The following EPB41L3 variants were observed in gnomAD, a reference collection of about 807,000 sequenced individuals.
EPB41L3 encodes erythrocyte membrane protein band 4.1 like 3, also known as band 4.1-like protein 3.
EPB41L3 carries 57 observed loss-of-function variants against 127.1 expected under a neutral mutation model. The ratio of observed to expected loss-of-function variants is 0.45; its 90% CI spans 0.36 to 0.56. The LOEUF (loss-of-function observed/expected upper bound fraction) is 0.56, where lower values mean the gene tolerates loss of function less well. EPB41L3 is among the 20% of genes least tolerant of loss of function. The pLI is 0.00. For missense variants in EPB41L3, 1,273 were observed against 1,372.2 expected (o/e 0.93, Z 1.14); for synonymous variants, 572 against 549.5 (o/e 1.04, Z -0.57).
intron 3 of EPB41L3, among the ~76,000 whole-genome samples, chr18:5,576,804 G>A (rs1434775769): frequency 1.3e-5 from 2 of 152,190 alleles, no homozygotes; most frequent in Non-Finnish European, 1.5e-5. Context: ...ATACTTCTGT[G>A]TAATTCTTGG....
intron 6 of EPB41L3, 64 bp from the exon 7 acceptor site, chr18:5,434,185 T>C (rs2079401562): frequency 1.4e-6 from 2 of 1,383,098 alleles, no homozygotes; most frequent in East Asian, 2.3e-5. Flanking sequence ...AGGAGGTCGC[T>C]TGGTAAAAAT....
At chr18:5,579,621 CA>C (rs1443256809) in intron 3 of EPB41L3, among the ~76,000 whole-genome samples, 1 of 152,144 alleles carries the variant, frequency 6.6e-6, no homozygotes, top group African/African-American at 2.4e-5. Context: ...ACTAGAGATC[CA>C]AAGCCATACA....
At chr18:5,522,375 C>T (rs560249335) in intron 1 of EPB41L3, among the ~76,000 whole-genome samples, 49 of 152,228 alleles carry the variant, frequency 3.2e-4, no homozygotes, top group African/African-American at 1.1e-3. Context: ...CTGCCTGTCT[C>T]GGCCTCCCAA....
intron 3 of EPB41L3, among the ~76,000 whole-genome samples, chr18:5,553,943 C>T (rs898572776): frequency 1.1e-4 from 16 of 152,218 alleles, no homozygotes; most frequent in Admixed American, 7.2e-4. Context: ...CCACACTCCC[C>T]GTCCCACTCC....
At chr18:5,477,275 G>A (rs1365073398) in intron 3 of EPB41L3, among the ~76,000 whole-genome samples, 3 of 152,176 alleles carry the variant, frequency 2.0e-5, no homozygotes, top group Admixed American at 6.5e-5. Context: ...AGAGAAATAT[G>A]TGAGGACACA....
chr18:5,610,211 T>A (rs189746712), intron 3 of EPB41L3: 4 of 985,272 alleles, frequency 4.1e-6, no homozygotes, highest in Non-Finnish European at 1.2e-6. Flanking sequence ...CCATATTCCA[T>A]GTTCCAAGTG....
At position 5,489,074 on chromosome 18, in the gene EPB41L3, G is replaced by A. The variant is rs1352173198; in HGVS notation, c.110C>T (p.Pro37Leu). The change falls in exon 2 of 23, where the codon CCC becomes CTC. Residue 37 changes from proline (P) to leucine (L), a missense_variant. By Grantham distance (98) the Pro-to-Leu change is moderately conservative. Transcript: ENST00000341928. ...GRAGAPVPEP[P>L]KEEQQQALEQ... Reference sequence around the variant, plus strand: ...CAGGGCCTGCTGCTGCTCCTCCTTGGGCGGCTCCGGCACGGGCGCCCCCGC... The same window carrying A: ...CAGGGCCTGCTGCTGCTCCTCCTTGAGCGGCTCCGGCACGGGCGCCCCCGC... 6.3e-7 allele frequency: 1 copy of A among 1,594,124 alleles called. No individual in the cohort carries two copies. The highest frequency in any genetic ancestry group is 1.7e-5 in the Admixed American group (1 of 58,382).
chr18:5,544,840 GT>G (rs2149100737), upstream of EPB41L3, among the ~76,000 whole-genome samples: 1 of 152,112 alleles, frequency 6.6e-6, no homozygotes, highest in African/African-American at 2.4e-5. Flanking sequence ...TAGATTTCCT[GT>G]TTTCCATGAT....
intron 3 of EPB41L3, among the ~76,000 whole-genome samples, chr18:5,561,362 G>A (rs1168407419): frequency 1.3e-5 from 2 of 152,150 alleles, no homozygotes; most frequent in African/African-American, 2.4e-5. Context: ...GCTTTAAAAA[G>A]GGGACAGGGG....
At chr18:5,530,712 T>A (rs1456088756) in intron 1 of EPB41L3, among the ~76,000 whole-genome samples, 1 of 152,092 alleles carries the variant, frequency 6.6e-6, no homozygotes, top group Non-Finnish European at 1.5e-5. Context: ...TGGCTCCTGG[T>A]CATCTTTAGG....
chr18:5,403,865 G>A (rs777368300), intron 16 of EPB41L3, among the ~76,000 whole-genome samples: 57 of 151,758 alleles, frequency 3.8e-4, no homozygotes, highest in Admixed American at 1.2e-3. Context: ...AATAAAAATC[G>A]TTTGGTTATA....
chr18:5,579,239 TA>T (rs2094367362), intron 3 of EPB41L3, among the ~76,000 whole-genome samples: 1 of 152,156 alleles, frequency 6.6e-6, no homozygotes, highest in African/African-American at 2.4e-5. Flanking sequence ...AACAGGAAAG[TA>T]AAGGCATACT....
At chr18:5,577,274 T>A (rs778747015) in intron 3 of EPB41L3, 26 of 427,858 alleles carry the variant, frequency 6.1e-5, no homozygotes, top group South Asian at 1.7e-4. Flanking sequence ...TTATAATCAC[T>A]AACAATGGCC....
upstream of EPB41L3, among the ~76,000 whole-genome samples, chr18:5,545,361 A>G (rs2093859386): frequency 6.6e-6 from 1 of 152,178 alleles, no homozygotes; most frequent in Non-Finnish European, 1.5e-5. Context: ...CCTCTGGGAA[A>G]GATTAGTGGG....
intron 2 of EPB41L3, among the ~76,000 whole-genome samples, chr18:5,484,110 A>AAAAAAAAAAAAAAAAAAAC (rs2089227763): frequency 7.3e-6 from 1 of 136,148 alleles, no homozygotes; most frequent in African/African-American, 3.0e-5. Context: ...AAAAAAAAAA[A>AAAAAAAAAAAAAAAAAAAC]AAAAAAAAAA....
intron 1 of EPB41L3, among the ~76,000 whole-genome samples, chr18:5,626,567 G>T (rs548100063): frequency 6.6e-6 from 1 of 152,174 alleles, no homozygotes; most frequent in Non-Finnish European, 1.5e-5. Context: ...CTCTGCACTG[G>T]AAAATTCTAT....
chr18:5,395,001 A>G (rs1477469490), intron 21 of EPB41L3, 66 bp downstream of exon 21: 1 of 1,495,082 alleles, frequency 6.7e-7, no homozygotes, highest in Non-Finnish European at 9.3e-7. Flanking sequence ...ATAGCATTGA[A>G]ACTGTAGGAC....
In EPB41L3 at chr18:5,500,126, T is replaced by C. The variant is rs1426756141; in HGVS notation, c.-11-10932A>G. Among the ~76,000 whole-genome samples the C allele has an allele frequency of 3.3e-5, 5 of 152,232 alleles. No homozygotes were observed. The East Asian group carries it at 5.8e-4, about 18-fold the overall frequency. ...GCTGTTATTAGTGGGAAACCTCAAA[T>C]TGATAAGAAGTCAGTACCTTTCAAG... On this transcript the variant is annotated intron_variant, in intron 1 of 22. Transcript: ENST00000341928.
chr18:5,526,507 T>C (rs1039696209), intron 1 of EPB41L3, among the ~76,000 whole-genome samples: 1 of 152,158 alleles, frequency 6.6e-6, no homozygotes, highest in Admixed American at 6.5e-5. Flanking sequence ...TGAATATAAA[T>C]TTAAAAATGA....
Sources: allele counts gnomAD v4.1 joint callset (sites outside exome capture counted in the v4.1 genomes callset), GRCh38; gene constraint gnomAD v4.1.1; transcripts MANE v1.5; gene names NCBI Gene and HGNC (gene_info 2026-07-23, HGNC 2026-07-21).